Variants in CTNNA2 observed in about 807,000 individuals in gnomAD.
The protein encoded by CTNNA2 is catenin alpha-2.
In CTNNA2, 42 loss-of-function variants were observed where a neutral mutation model predicts 101.0. The ratio of observed to expected loss-of-function variants is 0.42; its 90% CI spans 0.32 to 0.54. The LOEUF (loss-of-function observed/expected upper bound fraction) is 0.54. Ranked by LOEUF, CTNNA2 falls within the 20% of genes least tolerant of loss-of-function variation. CTNNA2 has a pLI of 0.14. For missense variants in CTNNA2, 871 were observed against 1,223.1 expected (o/e 0.71, Z 4.29); for synonymous variants, 450 against 456.4 (o/e 0.99, Z 0.18).
Position 80,299,589 on chromosome 2 carries a change from A to G in CTNNA2, c.1057-93622A>G, listed in dbSNP as rs775885320. ...TCCAATGGTTCTTCATGAAATGCGTATGGACTTAAGATCTTCTACATACAT... is the reference window on the plus strand; with the variant it reads ...TCCAATGGTTCTTCATGAAATGCGTGTGGACTTAAGATCTTCTACATACAT... On this transcript the variant is annotated intron_variant, in intron 7 of 18. Coordinates refer to ENST00000402739, the MANE Select transcript of CTNNA2 (RefSeq NM_001282597.3). 4 of 152,340 alleles carry G rather than the reference A, an allele frequency of 2.6e-5. No homozygotes were observed. The South Asian group carries it at 8.3e-4, about 32-fold the overall frequency. The allele number at this position is 152,340 out of a possible 1,614,324, so 9.4% of individuals were successfully genotyped here. A position where few individuals can be genotyped will look rare whatever the true frequency, so the allele number is the denominator to read the frequency against.
intron 7 of CTNNA2, among the ~76,000 whole-genome samples, chr2:80,309,748 G>A (rs144883863): frequency 0.02 from 2,983 of 147,948 alleles, 83 homozygotes; most frequent in African/African-American, 0.061. Flanking sequence ...AGGCTGGAGT[G>A]CAGTGGCATG....
In CTNNA2 at chr2:80,539,322, TTGTTGTTG is replaced by T. The variant is rs757006160; in HGVS notation, c.1291-5658_1291-5651del. Among the ~76,000 whole-genome samples, 88 of 139,696 alleles carry T rather than the reference TTGTTGTTG, an allele frequency of 6.3e-4. 1 individual carries two copies. The highest frequency in any genetic ancestry group is 1.2e-3 in the Admixed American group (17 of 14,164). The allele number at this position is 139,696 out of a possible 152,430, so 91.6% of individuals were successfully genotyped here. On this transcript the variant is annotated intron_variant, in intron 9 of 18. Coordinates refer to ENST00000402739, the MANE Select transcript of CTNNA2 (RefSeq NM_001282597.3). ...ATAGGCTCTCCTTGCTTTTTTTTTT[TTGTTGTTG>T]TTGTTGTTGTTCTTTCTAGTTCTGC... is the stretch of plus-strand genomic sequence containing the variant.
At chr2:79,772,813 C>T (rs1673689150) in intron 3 of CTNNA2, among the ~76,000 whole-genome samples, 1 of 152,176 alleles carries the variant, frequency 6.6e-6, no homozygotes, top group Non-Finnish European at 1.5e-5. Flanking sequence ...GATTTTCCCA[C>T]CTTGGCCTCC....
intron 7 of CTNNA2, among the ~76,000 whole-genome samples, chr2:80,039,904 G>A (rs760744278): frequency 2.0e-5 from 3 of 152,094 alleles, no homozygotes; most frequent in Non-Finnish European, 4.4e-5. Flanking sequence ...GGGATTTATC[G>A]CAAACTTAAA....
intron 4 of CTNNA2, among the ~76,000 whole-genome samples, chr2:79,468,486 C>G (rs1043553373): frequency 6.6e-6 from 1 of 152,110 alleles, no homozygotes; most frequent in Non-Finnish European, 1.5e-5. Context: ...AGAAAGTCAA[C>G]AAGGATACCC....
intron 4 of CTNNA2, among the ~76,000 whole-genome samples, chr2:79,405,217 A>C (rs1281460831): frequency 2.0e-5 from 3 of 152,126 alleles, no homozygotes; most frequent in African/African-American, 4.8e-5. Context: ...CTGAAGTTCC[A>C]TGCATGCTAT....
intron 8 of CTNNA2, among the ~76,000 whole-genome samples, chr2:80,399,341 T>C (rs1024034944): frequency 1.3e-5 from 2 of 152,198 alleles, no homozygotes; most frequent in African/African-American, 4.8e-5. Context: ...TGAAATATCA[T>C]CTTGGGCTAG....
intron 2 of CTNNA2, among the ~76,000 whole-genome samples, chr2:79,305,427 T>C (rs1213528318): frequency 6.7e-6 from 1 of 150,082 alleles, no homozygotes; most frequent in African/African-American, 2.4e-5. Flanking sequence ...GGTGCACAGA[T>C]GCAGATTTGA....
At chr2:79,895,691 AATTTTT>A (rs1684658398) in intron 6 of CTNNA2, among the ~76,000 whole-genome samples, 2 of 107,800 alleles carry the variant, frequency 1.9e-5, no homozygotes, top group African/African-American at 4.4e-5. Flanking sequence ...GAAATTTCTT[AATTTTT>A]TTTTTTTTTT....
chr2:79,511,314 T>C (rs1337316290), upstream of CTNNA2, among the ~76,000 whole-genome samples: 3 of 152,222 alleles, frequency 2.0e-5, no homozygotes, highest in Non-Finnish European at 2.9e-5. Context: ...ATCTTATTCA[T>C]GCTTCAAAAT....
At chr2:80,168,656 A>G (rs1448135273) in intron 7 of CTNNA2, among the ~76,000 whole-genome samples, 1 of 152,130 alleles carries the variant, frequency 6.6e-6, no homozygotes, top group Admixed American at 6.5e-5. Context: ...GTAGTATCCA[A>G]TCTTGGTTGC....
intron 3 of CTNNA2, among the ~76,000 whole-genome samples, chr2:79,825,642 T>C (rs548648193): frequency 6.6e-6 from 1 of 152,130 alleles, no homozygotes; most frequent in South Asian, 2.1e-4. Flanking sequence ...AATGGAAATA[T>C]ACAAAATAAT....
intron 1 of CTNNA2, among the ~76,000 whole-genome samples, chr2:79,538,206 G>T (rs1217329271): frequency 6.6e-6 from 1 of 151,326 alleles, no homozygotes; most frequent in Admixed American, 6.6e-5. Context: ...CTTCTGGAAG[G>T]ATTATGCTGC....
rs181923566 is a variant in CTNNA2 at position 80,118,591 on chromosome 2, G to A, written c.1056+208794G>A. Among the ~76,000 whole-genome samples the A allele has an allele frequency of 6.6e-4, 100 of 152,306 alleles. 2 individuals carry two copies. In the East Asian group the frequency reaches 0.018, roughly 28 times the overall value. On this transcript the variant is annotated intron_variant, in intron 7 of 18. Transcript: ENST00000402739. Reference sequence around the variant, plus strand: ...TGAAATTCATGGAAAATGCAATTACGTTCTAATTTACTCAGTGTCACTGGC... The same window carrying A: ...TGAAATTCATGGAAAATGCAATTACATTCTAATTTACTCAGTGTCACTGGC...
At chr2:80,558,486 G>GTA (rs1167062976) in intron 12 of CTNNA2, among the ~76,000 whole-genome samples, 5,075 of 61,656 alleles carry the variant, frequency 0.082, 176 homozygotes, top group East Asian at 0.2. Context: ...GTGTGTGTGT[G>GTA]TATATATATA....
chr2:80,474,076 G>T (rs1305068416), intron 9 of CTNNA2, among the ~76,000 whole-genome samples: 1 of 152,186 alleles, frequency 6.6e-6, no homozygotes, highest in East Asian at 1.9e-4. Flanking sequence ...TCCTGACGCT[G>T]AGGCCAAGGC....
Position 79,413,243 on chromosome 2 carries a change from T to C in CTNNA2, c.-135+39230T>C, listed in dbSNP as rs1009794619. Among the ~76,000 whole-genome samples, 6 of 152,006 alleles carry C rather than the reference T, an allele frequency of 3.9e-5. No homozygotes were observed. In the South Asian group the frequency reaches 1.2e-3, roughly 32 times the overall value. On this transcript the variant is annotated intron_variant, in intron 4 of 21. Transcript: ENST00000466387. ...TAGACAAATTTGAAAAGAGCTGCAA[T>C]TCTTACTCTCTACTTTTATGAGTTT... is the stretch of plus-strand genomic sequence containing the variant.
At chr2:80,060,949 A>G (rs1251064946) in intron 7 of CTNNA2, among the ~76,000 whole-genome samples, 1 of 152,138 alleles carries the variant, frequency 6.6e-6, no homozygotes, top group Non-Finnish European at 1.5e-5. Context: ...AGAGGCTTGC[A>G]CAGCTCCAAA....
chr2:80,142,206 A>G (rs1703056763), intron 7 of CTNNA2, among the ~76,000 whole-genome samples: 1 of 152,134 alleles, frequency 6.6e-6, no homozygotes. Flanking sequence ...TCCTTCATGT[A>G]TTTGACTTAT....
Sources: gnomAD v4.1 joint callset for allele counts (sites outside exome capture counted in the v4.1 genomes callset) on GRCh38, gnomAD v4.1.1 for gene constraint, MANE v1.5 for transcripts, NCBI Gene and HGNC (gene_info 2026-07-23, HGNC 2026-07-21) for gene names.